MAP3K13: variants seen among roughly 807,000 people sequenced by gnomAD.
The protein encoded by MAP3K13 is mitogen-activated protein kinase kinase kinase 13, also known as leucine zipper-bearing kinase.
Under a neutral mutation model 104.0 loss-of-function variants are expected in MAP3K13, and 52 were observed. That is an observed-to-expected ratio of 0.50 (90% CI 0.40 to 0.63). MAP3K13 has a LOEUF of 0.63. Among genes scored for constraint, MAP3K13 ranks in the 20% least tolerant of loss-of-function variants. MAP3K13 has a pLI of 0.00. For synonymous variants in MAP3K13, 394 were observed against 442.2 expected (o/e 0.89, Z 1.37); for missense variants, 914 against 1,218.5 (o/e 0.75, Z 3.72).
At chr3:185,300,079 C>T (rs1001450419) in intron 2 of MAP3K13, among the ~76,000 whole-genome samples, 10 of 152,130 alleles carry the variant, frequency 6.6e-5, no homozygotes, top group Non-Finnish European at 1.0e-4. Context: ...TGATACTTCA[C>T]ATAAGTGGAA....
At chr3:185,343,618 A>G (rs1722803500) in intron 2 of MAP3K13, among the ~76,000 whole-genome samples, 1 of 152,046 alleles carries the variant, frequency 6.6e-6, no homozygotes, top group Non-Finnish European at 1.5e-5. Context: ...ATGCCCAGCT[A>G]GTTTTGGTAT....
At chr3:185,419,609 G>T (rs1714005703) in intron 1 of MAP3K13, among the ~76,000 whole-genome samples, 1 of 151,854 alleles carries the variant, frequency 6.6e-6, no homozygotes, top group African/African-American at 2.4e-5. Context: ...AAATTTTTAT[G>T]CCTATTAATA....
Position 185,304,482 on chromosome 3 carries a change from A to G in MAP3K13, c.-86+18839A>G, listed in dbSNP as rs115902724. On this transcript the variant is annotated intron_variant, in intron 2 of 14. Coordinates refer to the MAP3K13 transcript ENST00000424227. ...CAGTCTGTCAATGTTTCCTTTATAT[A>G]TTTGGGTGTTCTGCTGTTACAAATA... is the stretch of plus-strand genomic sequence containing the variant. Among the ~76,000 whole-genome samples the G allele has an allele frequency of 3.7e-3, 557 of 152,198 alleles. 5 individuals carry two copies. The highest frequency in any genetic ancestry group is 0.013 in the African/African-American group (538 of 41,544).
upstream of MAP3K13, among the ~76,000 whole-genome samples, chr3:185,361,958 A>G (rs948353498): frequency 6.6e-6 from 1 of 152,232 alleles, no homozygotes; most frequent in Non-Finnish European, 1.5e-5. Flanking sequence ...TCCTTTTCCA[A>G]ATGAGCTAAG....
At chr3:185,327,790 T>G (rs1456207772) in intron 2 of MAP3K13, among the ~76,000 whole-genome samples, 1 of 152,016 alleles carries the variant, frequency 6.6e-6, no homozygotes, top group Non-Finnish European at 1.5e-5. Flanking sequence ...CGGGCGTCTG[T>G]AGTCTCAGGT....
At chr3:185,286,635 A>G (rs1304861043) in intron 2 of MAP3K13, among the ~76,000 whole-genome samples, 1 of 152,196 alleles carries the variant, frequency 6.6e-6, no homozygotes, top group Non-Finnish European at 1.5e-5. Context: ...AAAAATCTCT[A>G]ATATACCTTA....
At chr3:185,373,467 C>A (rs947623730) in intron 1 of MAP3K13, among the ~76,000 whole-genome samples, 4 of 152,088 alleles carry the variant, frequency 2.6e-5, no homozygotes, top group African/African-American at 9.7e-5. Flanking sequence ...CATGAGGAAA[C>A]CCCGACTCTG....
rs537284070 is a variant in MAP3K13, at chr3:185,485,072, C to A, written c.*2616C>A. 2 of 152,198 alleles carry A rather than the reference C, an allele frequency of 1.3e-5. No individual in the cohort carries two copies. The highest frequency in any genetic ancestry group is 2.1e-4 in the South Asian group (1 of 4,826). The allele number at this position is 152,198 out of a possible 1,614,324, so 9.4% of individuals were successfully genotyped here. A position where few individuals can be genotyped will look rare whatever the true frequency, so the allele number is the denominator to read the frequency against. On this transcript the variant is annotated 3_prime_UTR_variant, in exon 14 of 14. Coordinates refer to ENST00000265026, the MANE Select transcript of MAP3K13 (RefSeq NM_004721.5). ...GAAAGCTCCTGGGTGGGCCGATGACCCCCAGGATGTCAAATAGTGGATGGA... is the reference window on the plus strand; with the variant it reads ...GAAAGCTCCTGGGTGGGCCGATGACACCCAGGATGTCAAATAGTGGATGGA...
In MAP3K13 at chr3:185,285,578, C is replaced by G. The variant is rs1720478833; in HGVS notation, c.-151C>G. 3 of 1,526,732 alleles carry G rather than the reference C, an allele frequency of 2.0e-6. No individual in the cohort carries two copies. The East Asian group carries it at 7.4e-5, about 37-fold the overall frequency. The allele number at this position is 1,526,732 out of a possible 1,614,324, so 94.6% of individuals were successfully genotyped here. The stretch of plus-strand genomic sequence containing the variant: ...GACTTCATTTAAAGAAACCCACGGA[C>G]CATTAATGGACAAAAACATGAGTCA... On this transcript the variant is annotated 5_prime_UTR_variant, in exon 2 of 15. Coordinates refer to the MAP3K13 transcript ENST00000424227.
chr3:185,470,822 T>C (rs1007988750), intron 10 of MAP3K13, among the ~76,000 whole-genome samples: 7 of 152,172 alleles, frequency 4.6e-5, no homozygotes, highest in Non-Finnish European at 4.4e-5. Flanking sequence ...AGATAACAAT[T>C]AAAAATATAA....
chr3:185,447,999 C>G, intron 5 of MAP3K13, 52 bp downstream of exon 5: 1 of 1,534,332 alleles, frequency 6.5e-7, no homozygotes, highest in Non-Finnish European at 8.9e-7. Flanking sequence ...CCACTTTCGC[C>G]CTATTAGCAC....
intron 2 of MAP3K13, among the ~76,000 whole-genome samples, chr3:185,350,709 A>G (rs1353291305): frequency 6.6e-6 from 1 of 151,974 alleles, no homozygotes; most frequent in East Asian, 2.0e-4. Context: ...ACAAAAAGTC[A>G]AAAAATAACA....
chr3:185,397,293 CT>C (rs918960150), intron 1 of MAP3K13, among the ~76,000 whole-genome samples: 2 of 152,062 alleles, frequency 1.3e-5, no homozygotes, highest in African/African-American at 4.8e-5. Flanking sequence ...CTTATAGGAC[CT>C]TAGAGATCAT....
intron 7 of MAP3K13, among the ~76,000 whole-genome samples, chr3:185,452,387 C>A (rs372525422): frequency 3.9e-5 from 6 of 152,130 alleles, no homozygotes; most frequent in African/African-American, 2.4e-5. Context: ...CCACACCTGG[C>A]TAATTTTTGT....
chr3:185,302,893 G>T (rs544518157), intron 2 of MAP3K13, among the ~76,000 whole-genome samples: 2 of 152,250 alleles, frequency 1.3e-5, no homozygotes, highest in East Asian at 3.9e-4. Flanking sequence ...TGGTGAAGGT[G>T]GGCATCCTTC....
At chr3:185,288,534 T>TGTGTGTGTGTG (rs57631600) in intron 2 of MAP3K13, among the ~76,000 whole-genome samples, 10,209 of 148,052 alleles carry the variant, frequency 0.069, 463 homozygotes, top group East Asian at 0.19. Context: ...GTGTGTGTGT[T>TGTGTGTGTGTG]TGTGTGTATA....
At chr3:185,385,299 C>T (rs1356998017) in intron 1 of MAP3K13, among the ~76,000 whole-genome samples, 4 of 152,108 alleles carry the variant, frequency 2.6e-5, no homozygotes, top group South Asian at 2.1e-4. Flanking sequence ...TACAGGCATG[C>T]ACCACCATGT....
chr3:185,455,770 T>G (rs1245848023), intron 7 of MAP3K13, among the ~76,000 whole-genome samples: 12 of 112,144 alleles, frequency 1.1e-4, no homozygotes, highest in Admixed American at 4.5e-4. Flanking sequence ...GAGATATATA[T>G]ATGATATATA....
intron 2 of MAP3K13, among the ~76,000 whole-genome samples, chr3:185,288,285 C>T (rs559831295): frequency 6.6e-6 from 1 of 151,968 alleles, no homozygotes; most frequent in African/African-American, 2.4e-5. Flanking sequence ...GTAGAAAACA[C>T]AGAAATGAGG....
Sources: allele counts gnomAD v4.1 joint callset (sites outside exome capture counted in the v4.1 genomes callset), GRCh38; gene constraint gnomAD v4.1.1; transcripts MANE v1.5; gene names NCBI Gene and HGNC (gene_info 2026-07-23, HGNC 2026-07-21).